The following PDPR variants were observed in gnomAD, a reference collection of about 807,000 sequenced individuals.
PDPR encodes pyruvate dehydrogenase phosphatase regulatory subunit, mitochondrial.
A neutral mutation model predicts 102.2 loss-of-function variants in PDPR; 50 were observed. The observed-to-expected ratio is 0.49, with a 90% CI of 0.39 to 0.62. The LOEUF (loss-of-function observed/expected upper bound fraction) is 0.62, where lower values mean the gene tolerates loss of function less well. PDPR is among the 20% of genes least tolerant of loss of function. PDPR has a pLI of 0.00. For synonymous variants in PDPR, 259 were observed against 406.0 expected (o/e 0.64, Z 4.35); for missense variants, 625 against 1,098.2 (o/e 0.57, Z 6.09).
At chr16:70,119,957 C>T (rs1963059477) in intron 2 of PDPR, among the ~76,000 whole-genome samples, 1 of 151,204 alleles carries the variant, frequency 6.6e-6, no homozygotes, top group Non-Finnish European at 1.5e-5. Context: ...CGCTCTGTCG[C>T]CCAGGCTGGA....
At position 70,161,429 on chromosome 16, in the gene PDPR, A is replaced by G. The variant is rs1043304767; in HGVS notation, c.*4550A>G. 3 of 152,736 alleles carry G rather than the reference A, an allele frequency of 2.0e-5. No homozygotes were observed. Among genetic ancestry groups the G allele is most frequent in the South Asian group, 2.1e-4 (1 of 4,842 alleles). 9.5% of individuals were successfully genotyped at this position (152,736 alleles called of 1,614,324 possible). A position where few individuals can be genotyped will look rare whatever the true frequency, so the allele number is the denominator to read the frequency against. On this transcript the variant is annotated 3_prime_UTR_variant, in exon 19 of 19. Transcript: ENST00000288050. Reference sequence around the variant, plus strand: ...TTGATATAAGCAGTATTAACACAGTATAAAGAATGTTCACCTTGCATATGT... The same window carrying G: ...TTGATATAAGCAGTATTAACACAGTGTAAAGAATGTTCACCTTGCATATGT...
Position 70,120,765 on chromosome 16 carries a change from G to C in PDPR, c.227+46G>C, listed in dbSNP as rs115507706. On this transcript the variant is annotated intron_variant, in intron 3 of 18. Coordinates refer to ENST00000288050, the MANE Select transcript of PDPR (RefSeq NM_017990.5). ...GGCTCATGGCTGTGCTGCACTAATC[G>C]TATAAGATTCCCTCTCCTTTCAGAG... 7.5e-4 allele frequency: 918 copies of C among 1,224,614 alleles called. 4 individuals carry two copies. The African/African-American group carries it at 0.012, about 17-fold the overall frequency. The allele number at this position is 1,224,614 out of a possible 1,614,324, so 75.9% of individuals were successfully genotyped here.
intron 10 of PDPR, among the ~76,000 whole-genome samples, chr16:70,138,038 CTTTTTTTTT>C (rs200071207): frequency 4.7e-4 from 56 of 118,370 alleles, no homozygotes; most frequent in African/African-American, 1.8e-3. Flanking sequence ...ATACCCAGCT[CTTTTTTTTT>C]TTTTTTTTTT....
Position 70,158,731 on chromosome 16 carries a change from G to C in PDPR, c.*1852G>C, listed in dbSNP as rs1184934871. 6.5e-6 allele frequency: 1 copy of C among 153,368 alleles called. No homozygotes were observed. Among genetic ancestry groups the C allele is most frequent in the African/African-American group, 2.4e-5 (1 of 41,492 alleles). The allele number at this position is 153,368 out of a possible 1,614,324, so 9.5% of individuals were successfully genotyped here. ...CTGGAGGGCCAACCAGTGAACACCA[G>C]CTGTGAAGGCCTTGGGAGAGGAGGA... On this transcript the variant is annotated 3_prime_UTR_variant, in exon 19 of 19. Coordinates refer to ENST00000288050, the MANE Select transcript of PDPR (RefSeq NM_017990.5).
In PDPR at chr16:70,129,052, T is replaced by G. The variant is rs1964274632; in HGVS notation, c.537T>G (p.His179Gln). The G allele has an allele frequency of 6.2e-7, 1 of 1,613,782 alleles. No homozygotes were observed. The highest frequency in any genetic ancestry group is 1.3e-5 in the African/African-American group (1 of 74,956). ...TGCACGACCTGGTGGGGGCCATGCA[T>G]GTTCCCGAGGATGCAGTGGTGTCTT... ...LNVHDLVGAM[H>Q]VPEDAVVSSA... Residue 179 changes from histidine (H) to glutamine (Q), a missense_variant, in exon 6 of 19, where the codon CAT (histidine) becomes CAG (glutamine). Physicochemically the swap from His to Gln is conservative, Grantham distance 24. Transcript: ENST00000288050.
At chr16:70,134,843 G>A (rs1964947102) in intron 9 of PDPR, among the ~76,000 whole-genome samples, 1 of 152,094 alleles carries the variant, frequency 6.6e-6, no homozygotes, top group Non-Finnish European at 1.5e-5. Context: ...TTAAAAAGAT[G>A]AAAGAGTCTC....
At chr16:70,118,271 G>C (rs1567515475) in intron 2 of PDPR, among the ~76,000 whole-genome samples, 1 of 152,160 alleles carries the variant, frequency 6.6e-6, no homozygotes, top group Non-Finnish European at 1.5e-5. Flanking sequence ...GGAAGAGATG[G>C]TTGCAGATGC....
Position 70,153,529 on chromosome 16 carries a change from A to T in PDPR, c.2191A>T (p.Thr731Ser). The T allele has an allele frequency of 6.2e-7, 1 of 1,611,618 alleles. No homozygotes were observed. The highest frequency in any genetic ancestry group is 8.5e-7 in the Non-Finnish European group (1 of 1,179,070). Residue 731 changes from threonine (T) to serine (S), a missense_variant, in exon 18 of 19, where the codon ACG becomes TCG. By Grantham distance (58) the Thr-to-Ser change is moderately conservative. Coordinates refer to ENST00000288050, the MANE Select transcript of PDPR (RefSeq NM_017990.5). ...FWGQDINNLT[T>S]PLECGRESRV... is the part of the protein sequence containing the mutation. Reference sequence around the variant, plus strand: ...GGGTCAGGATATAAATAACCTCACCACGCCCCTGGAATGTGGACGAGAGTC... The same window carrying T: ...GGGTCAGGATATAAATAACCTCACCTCGCCCCTGGAATGTGGACGAGAGTC...
rs577441768 is a variant in PDPR at position 70,157,192 on chromosome 16, T to A, written c.*313T>A. ...GCTCCACTGTGGACATGAGTGATGG[T>A]GACAGCTGCTTTCAAATTCTGCATC... On this transcript the variant is annotated 3_prime_UTR_variant, in exon 19 of 19. Coordinates refer to ENST00000288050, the MANE Select transcript of PDPR (RefSeq NM_017990.5). 1.0e-5 allele frequency: 6 copies of A among 597,048 alleles called. No homozygotes were observed. The highest frequency in any genetic ancestry group is 7.6e-5 in the South Asian group (5 of 65,706). 37.0% of individuals were successfully genotyped at this position (597,048 alleles called of 1,614,324 possible). A position where few individuals can be genotyped will look rare whatever the true frequency, so the allele number is the denominator to read the frequency against.
intron 17 of PDPR, among the ~76,000 whole-genome samples, chr16:70,149,675 G>A (rs1027569425): frequency 6.6e-6 from 1 of 152,270 alleles, no homozygotes; most frequent in Non-Finnish European, 1.5e-5. Flanking sequence ...TTCCATTGTG[G>A]TACATCATTC....
chr16:70,136,717 T>G (rs912065664), intron 10 of PDPR, among the ~76,000 whole-genome samples: 2 of 152,216 alleles, frequency 1.3e-5, no homozygotes, highest in African/African-American at 4.8e-5. Context: ...GTATGTTGAT[T>G]GAGGTAGGTA....
At chr16:70,146,828 A>G (rs2152111552) in intron 16 of PDPR, among the ~76,000 whole-genome samples, 1 of 63,852 alleles carries the variant, frequency 1.6e-5, no homozygotes. Flanking sequence ...AGATTGCGCC[A>G]TTGCACTCCA....
intron 17 of PDPR, among the ~76,000 whole-genome samples, chr16:70,149,042 G>C (rs1399575542): frequency 2.6e-5 from 4 of 151,432 alleles, no homozygotes; most frequent in African/African-American, 4.9e-5. Flanking sequence ...CTGTAGGCAT[G>C]TGCCACCATG....
At chr16:70,144,868 T>C (rs1258799678) in intron 15 of PDPR, among the ~76,000 whole-genome samples, 16 of 151,970 alleles carry the variant, frequency 1.1e-4, no homozygotes, top group African/African-American at 3.6e-4. Flanking sequence ...GGCAGGAGAA[T>C]CACTTGAACC....
intron 3 of PDPR, among the ~76,000 whole-genome samples, chr16:70,123,303 C>G (rs1230403620): frequency 1.3e-5 from 2 of 152,268 alleles, no homozygotes; most frequent in Non-Finnish European, 2.9e-5. Context: ...GTGGTTCAAT[C>G]TCAGCTCACT....
At chr16:70,163,284 A>G (rs576030161), downstream of PDPR, among the ~76,000 whole-genome samples, 4 of 150,758 alleles carry the variant, frequency 2.7e-5, no homozygotes, top group Admixed American at 2.0e-4. Flanking sequence ...TTTTTTAAGT[A>G]TTTGTACTTT....
At chr16:70,156,392 C>G in intron 18 of PDPR, 83 bp from the exon 19 acceptor site, 4 of 1,524,770 alleles carry the variant, frequency 2.6e-6, no homozygotes, top group Non-Finnish European at 3.6e-6. Flanking sequence ...GCAGTGACAC[C>G]AGGGGACCCT....
chr16:70,123,116 G>C (rs1330694766), intron 3 of PDPR, among the ~76,000 whole-genome samples: 1 of 152,148 alleles, frequency 6.6e-6, no homozygotes, highest in Non-Finnish European at 1.5e-5. Context: ...TGGCCAGGCA[G>C]GTCTTGAACT....
chr16:70,114,516 C>T (rs1962428851), intron 1 of PDPR, 76 bp downstream of exon 1: 1 of 152,308 alleles, frequency 6.6e-6, no homozygotes, highest in Middle Eastern at 3.4e-3. Context: ...CCTGGGTTCC[C>T]CTCTTTCTCC....
Sources: gnomAD v4.1 joint callset for allele counts (sites outside exome capture counted in the v4.1 genomes callset) on GRCh38, gnomAD v4.1.1 for gene constraint, MANE v1.5 for transcripts, NCBI Gene and HGNC (gene_info 2026-07-23, HGNC 2026-07-21) for gene names.